The following ANTXR1 variants were observed in gnomAD, a reference collection of about 807,000 sequenced individuals.
ANTXR1 encodes the protein ANTXR cell adhesion molecule 1, also known as anthrax toxin receptor 1.
ANTXR1 carries 19 observed loss-of-function variants against 78.1 expected under a neutral mutation model. The ratio of observed to expected loss-of-function variants is 0.24; its 90% CI spans 0.17 to 0.36. The LOEUF is 0.36. Ranked by LOEUF, ANTXR1 falls within the 10% of genes least tolerant of loss-of-function variation. The pLI is 1.00. For missense variants in ANTXR1, 518 were observed against 718.6 expected (o/e 0.72, Z 3.19); for synonymous variants, 273 against 260.5 (o/e 1.05, Z -0.46).
At chr2:69,068,826 G>C (rs1393202646) in intron 3 of ANTXR1, among the ~76,000 whole-genome samples, 1 of 152,220 alleles carries the variant, frequency 6.6e-6, no homozygotes, top group Non-Finnish European at 1.5e-5. Flanking sequence ...CTAAGCAAGA[G>C]ATGATGGTGG....
intron 17 of ANTXR1, among the ~76,000 whole-genome samples, chr2:69,235,761 A>T (rs1675746850): frequency 6.7e-6 from 1 of 148,210 alleles, no homozygotes; most frequent in South Asian, 2.1e-4. Context: ...GTAAAATTTT[A>T]AAAATCACAA....
chr2:69,013,693 G>A lies in ANTXR1; in HGVS notation c.152+42G>A, dbSNP rs777482332. The A allele has an allele frequency of 7.3e-5, 114 of 1,551,232 alleles. No individual in the cohort carries two copies. Among genetic ancestry groups the A allele is most frequent in the Non-Finnish European group, 8.6e-5 (99 of 1,146,794 alleles). On this transcript the variant is annotated intron_variant, in intron 1 of 17. Coordinates refer to ENST00000303714, the MANE Select transcript of ANTXR1 (RefSeq NM_032208.3). The surrounding 1 kb of genome is among the most constrained non-coding windows in gnomAD (Gnocchi z 5.0). ...GTCCCCCCCACCCCAGGCTAAGCGG[G>A]CGAAAACGCTTTCGCCCCGGGCCGG...
At chr2:69,097,939 T>C (rs1408843827) in intron 9 of ANTXR1, among the ~76,000 whole-genome samples, 5 of 152,248 alleles carry the variant, frequency 3.3e-5, no homozygotes, top group Admixed American at 2.0e-4. Context: ...CTCAACATAA[T>C]TGTGACTGTG....
At chr2:69,036,447 G>A (rs1669427546) in intron 1 of ANTXR1, among the ~76,000 whole-genome samples, 2 of 152,076 alleles carry the variant, frequency 1.3e-5, no homozygotes, top group African/African-American at 2.4e-5. Flanking sequence ...CCACCCTCTT[G>A]TGCTATCAAA....
rs565035442 is a variant in ANTXR1 at position 69,100,896 on chromosome 2, G to A, written c.704-1946G>A. 5.9e-5 allele frequency among the ~76,000 whole-genome samples: 9 copies of A among 152,276 alleles called. No individual in the cohort carries two copies. The East Asian group carries it at 9.6e-4, about 16-fold the overall frequency. On this transcript the variant is annotated intron_variant, in intron 9 of 17. Transcript: ENST00000303714. ...AACTACTAAGCCCATCTTTCTAAAC[G>A]TAGCAATTGTGCATTTGCATCAACG... is the stretch of plus-strand genomic sequence containing the variant.
chr2:69,230,097 A>C (rs2104519993), intron 17 of ANTXR1, among the ~76,000 whole-genome samples: 1 of 151,614 alleles, frequency 6.6e-6, no homozygotes, highest in South Asian at 2.1e-4. Context: ...GAATTCTCAG[A>C]GCCAGTCCCT....
intron 12 of ANTXR1, among the ~76,000 whole-genome samples, chr2:69,151,213 A>G (rs1673385164): frequency 1.1e-5 from 1 of 95,054 alleles, no homozygotes; most frequent in South Asian, 3.5e-4. Flanking sequence ...TTTTTTTGAG[A>G]CGGAGTCTCG....
chr2:69,104,352 G>A (rs916833382), intron 10 of ANTXR1, among the ~76,000 whole-genome samples: 1 of 152,188 alleles, frequency 6.6e-6, no homozygotes. Flanking sequence ...ACAGACACAT[G>A]CTGTGTCTTC....
intron 12 of ANTXR1, among the ~76,000 whole-genome samples, chr2:69,149,459 T>A (rs7369341): frequency 6.6e-6 from 1 of 152,160 alleles, no homozygotes; most frequent in African/African-American, 2.4e-5. Flanking sequence ...AGTAAAAAAA[T>A]TCCCCCAAAA....
In ANTXR1 at chr2:69,104,311, T is replaced by C. The variant is rs542032370; in HGVS notation, c.802+1371T>C. The stretch of plus-strand genomic sequence containing the variant: ...TTGAAGGGCTATGGATATTTCCTTC[T>C]TGACATCATAAAACCCACTTTAGTA... On this transcript the variant is annotated intron_variant, in intron 10 of 17. Coordinates refer to ENST00000303714, the MANE Select transcript of ANTXR1 (RefSeq NM_032208.3). 5.3e-5 allele frequency among the ~76,000 whole-genome samples: 8 copies of C among 152,318 alleles called. No homozygotes were observed. The South Asian group carries it at 1.7e-3, about 32-fold the overall frequency.
chr2:69,245,720 C>A lies in ANTXR1; in HGVS notation c.*235C>A. ...GTCAGATTTATAGCCAGCCATCTAT[C>A]ACCTCTAGAAGGTTCCAGAGACAGT... On this transcript the variant is annotated 3_prime_UTR_variant, in exon 18 of 18. Transcript: ENST00000303714. 5.4e-6 allele frequency: 3 copies of A among 558,928 alleles called. No homozygotes were observed. The highest frequency in any genetic ancestry group is 9.4e-6 in the Non-Finnish European group (3 of 319,092). The allele number at this position is 558,928 out of a possible 1,614,324, so 34.6% of individuals were successfully genotyped here. A position where few individuals can be genotyped will look rare whatever the true frequency, so the allele number is the denominator to read the frequency against.
chr2:69,047,097 A>G (rs564750233), intron 3 of ANTXR1, among the ~76,000 whole-genome samples: 1 of 152,284 alleles, frequency 6.6e-6, no homozygotes, highest in African/African-American at 2.4e-5. Flanking sequence ...ATCCACATAT[A>G]TGGAGGGCTG....
chr2:69,034,026 C>T (rs1295314146), intron 1 of ANTXR1, among the ~76,000 whole-genome samples: 1 of 152,178 alleles, frequency 6.6e-6, no homozygotes, highest in African/African-American at 2.4e-5. Context: ...TGCTTCTACT[C>T]TTTGCATATT....
chr2:69,014,988 G>C (rs933176792), intron 1 of ANTXR1, among the ~76,000 whole-genome samples: 5 of 151,614 alleles, frequency 3.3e-5, no homozygotes, highest in African/African-American at 1.2e-4. Context: ...CACAGACTTA[G>C]AGACAGTGCA....
rs145820680 is a variant in ANTXR1 at position 69,186,618 on chromosome 2, G to A, written c.1353+3958G>A. The stretch of plus-strand genomic sequence containing the variant: ...GAGAGCTGTTACACCTGAAGAGCAT[G>A]TGGGGAAATGGTGTTACTGGGTTCC... On this transcript the variant is annotated intron_variant, in intron 16 of 17. Transcript: ENST00000303714. 3.3e-5 allele frequency among the ~76,000 whole-genome samples: 5 copies of A among 152,380 alleles called. No homozygotes were observed. In the East Asian group the frequency reaches 9.6e-4, roughly 29 times the overall value.
At chr2:69,156,527 A>C (rs891511878) in intron 13 of ANTXR1, among the ~76,000 whole-genome samples, 2 of 152,176 alleles carry the variant, frequency 1.3e-5, no homozygotes, top group African/African-American at 4.8e-5. Flanking sequence ...GTAATTTATA[A>C]AGAAAAGAGG....
intron 11 of ANTXR1, among the ~76,000 whole-genome samples, chr2:69,123,897 T>C (rs761839739): frequency 2.8e-4 from 43 of 152,162 alleles, no homozygotes; most frequent in Non-Finnish European, 5.3e-4. Context: ...AAGTTGAACT[T>C]GTTCATCTGA....
intron 1 of ANTXR1, among the ~76,000 whole-genome samples, chr2:69,020,657 T>C (rs6724990): frequency 0.37 from 56,290 of 152,138 alleles, 15,505 homozygotes; most frequent in African/African-American, 0.74. Context: ...TAATTTAGAA[T>C]GTGTGTCTAT....
chr2:69,039,248 G>A (rs1669542417), intron 1 of ANTXR1, among the ~76,000 whole-genome samples: 1 of 152,084 alleles, frequency 6.6e-6, no homozygotes, highest in South Asian at 2.1e-4. Context: ...CTGAATATGA[G>A]CACTATGGAA....
Sources: gnomAD v4.1 joint callset for allele counts (sites outside exome capture counted in the v4.1 genomes callset) on GRCh38, gnomAD v4.1.1 for gene constraint, Gnocchi (gnomAD v3.1) non-coding constraint, MANE v1.5 for transcripts, NCBI Gene and HGNC (gene_info 2026-07-23, HGNC 2026-07-21) for gene names.